ITSN1: variants seen among roughly 807,000 people sequenced by gnomAD.
The protein encoded by ITSN1 is intersectin 1.
ITSN1 carries 58 observed loss-of-function variants against 239.8 expected under a neutral mutation model. That is an observed-to-expected ratio of 0.24 (90% CI 0.20 to 0.30). The LOEUF (loss-of-function observed/expected upper bound fraction) is 0.30. Ranked by LOEUF, ITSN1 falls within the 10% of genes least tolerant of loss-of-function variation. The probability of loss-of-function intolerance (pLI) is 1.00; values close to 1 mark genes in which losing one functional copy is unlikely to be tolerated. For synonymous variants in ITSN1, 780 were observed against 770.8 expected, an observed-to-expected ratio of 1.01 and a Z score of -0.20; for missense variants, 1,558 against 2,103.3, an observed-to-expected ratio of 0.74 and a Z score of 5.07.
intron 1 of ITSN1, among the ~76,000 whole-genome samples, chr21:33,716,862 G>T (rs1166732252): frequency 6.6e-6 from 1 of 151,540 alleles, no homozygotes; most frequent in Non-Finnish European, 1.5e-5. Context: ...TGAGGCAAGA[G>T]AATTGCTTGA....
chr21:33,790,793 C>T (rs1253531700), intron 16 of ITSN1, among the ~76,000 whole-genome samples: 1 of 152,166 alleles, frequency 6.6e-6, no homozygotes, highest in Non-Finnish European at 1.5e-5. Context: ...TTTCCTTAGC[C>T]ATTTCCCCCA....
At chr21:33,876,268 CT>C (rs1983880963) in intron 34 of ITSN1, among the ~76,000 whole-genome samples, 2 of 77,202 alleles carry the variant, frequency 2.6e-5, no homozygotes, top group Non-Finnish European at 6.4e-5. Flanking sequence ...TTCCTCTCTT[CT>C]TTTTCTCTCT....
intron 1 of ITSN1, among the ~76,000 whole-genome samples, chr21:33,671,068 C>T (rs981263447): frequency 1.3e-5 from 2 of 152,108 alleles, no homozygotes; most frequent in East Asian, 1.9e-4. Flanking sequence ...TGGGGTTTTC[C>T]CCTACATTAC....
chr21:33,765,947 T>C lies in ITSN1; in HGVS notation c.861T>C (p.Asp287=). The change falls in exon 10 of 40, where the codon GAT becomes GAC. Residue 287 remains aspartate, a synonymous_variant. Transcript: ENST00000381318. ...TTATCCTGGCAATGCACCTCATTGA[T>C]GTAGCTATGTCTGGCCAACCACTGC... The part of the protein sequence containing the change: ...EEFILAMHLI[D]VAMSGQPLPP... 4 of 1,614,156 alleles carry C rather than the reference T, an allele frequency of 2.5e-6. No homozygotes were observed. In the South Asian group the frequency reaches 4.4e-5, roughly 18 times the overall value.
At chr21:33,841,800 A>C (rs1333037001) in intron 29 of ITSN1, among the ~76,000 whole-genome samples, 1 of 152,230 alleles carries the variant, frequency 6.6e-6, no homozygotes, top group South Asian at 2.1e-4. Context: ...CAATGGTCCC[A>C]AAAATGCAAG....
chr21:33,830,265 G>T (rs1465884400), intron 27 of ITSN1, among the ~76,000 whole-genome samples: 1 of 152,094 alleles, frequency 6.6e-6, no homozygotes, highest in African/African-American at 2.4e-5. Context: ...AGACAAAGAT[G>T]CTTTAAAAAG....
chr21:33,742,202 A>G (rs2066903319), intron 5 of ITSN1, among the ~76,000 whole-genome samples: 1 of 151,680 alleles, frequency 6.6e-6, no homozygotes, highest in African/African-American at 2.4e-5. Context: ...GATTACAGGC[A>G]TGTGCCACCA....
intron 16 of ITSN1, among the ~76,000 whole-genome samples, chr21:33,789,605 A>G (rs1003100089): frequency 1.3e-5 from 2 of 152,136 alleles, no homozygotes; most frequent in South Asian, 2.1e-4. Context: ...CTCTTCATAT[A>G]CATTATGCAA....
intron 25 of ITSN1, among the ~76,000 whole-genome samples, chr21:33,825,524 TA>T (rs956322579): frequency 1.3e-5 from 2 of 152,166 alleles, no homozygotes; most frequent in Non-Finnish European, 2.9e-5. Flanking sequence ...TGGGGGACTT[TA>T]TAGGTGCAGG....
At position 33,722,668 on chromosome 21, in the gene ITSN1, C is replaced by T; in HGVS notation, c.185+17C>T. Reference sequence around the variant, plus strand: ...ACAGATATGGTAAGTTGGAATTTTACATGAAATTTTACATAAGCATAAGGC... The same window carrying T: ...ACAGATATGGTAAGTTGGAATTTTATATGAAATTTTACATAAGCATAAGGC... On this transcript the variant is annotated intron_variant, in intron 4 of 39. Coordinates refer to ENST00000381318, the MANE Select transcript of ITSN1 (RefSeq NM_003024.3). 7 of 1,538,310 alleles carry T rather than the reference C, an allele frequency of 4.6e-6. No homozygotes were observed. Among genetic ancestry groups the T allele is most frequent in the Non-Finnish European group, 6.1e-6 (7 of 1,150,086 alleles).
At position 33,784,446 on chromosome 21, in the gene ITSN1, T is replaced by A. The variant is rs182216168; in HGVS notation, c.1824+2313T>A. ...TGAGTCTGGGAGGTTGGGGCTGCAG[T>A]GAGCCATGATTGTGTCACTGCACTC... On this transcript the variant is annotated intron_variant, in intron 16 of 39. Transcript: ENST00000381318. Among the ~76,000 whole-genome samples the A allele has an allele frequency of 2.8e-3, 429 of 152,204 alleles. 1 individual carries two copies. Among genetic ancestry groups the A allele is most frequent in the Non-Finnish European group, 4.7e-3 (318 of 68,010 alleles).
rs377429196 is a variant in ITSN1 at position 33,795,149 on chromosome 21, G to C, written c.1952+681G>C. Among the ~76,000 whole-genome samples, 15 of 152,234 alleles carry C rather than the reference G, an allele frequency of 9.9e-5. No individual in the cohort carries two copies. The South Asian group carries it at 3.1e-3, about 32-fold the overall frequency. On this transcript the variant is annotated intron_variant, in intron 17 of 39. Coordinates refer to ENST00000381318, the MANE Select transcript of ITSN1 (RefSeq NM_003024.3). ...GACAGCCCCGTAAATTATAAAAGTT[G>C]GTAATTGAAATTAGATTAAGGCCAG...
At chr21:33,846,450 G>A (rs2074993375) in intron 29 of ITSN1, among the ~76,000 whole-genome samples, 1 of 152,172 alleles carries the variant, frequency 6.6e-6, no homozygotes, top group African/African-American at 2.4e-5. Flanking sequence ...CCCAAATCTT[G>A]TGGTTTGTTA....
At chr21:33,763,418 G>A (rs1046641890) in intron 9 of ITSN1, among the ~76,000 whole-genome samples, 4 of 151,904 alleles carry the variant, frequency 2.6e-5, no homozygotes, top group Non-Finnish European at 4.4e-5. Context: ...GACATTTTGG[G>A]CCCGATAAAT....
At chr21:33,801,713 G>A (rs2072019229) in intron 19 of ITSN1, among the ~76,000 whole-genome samples, 1 of 152,166 alleles carries the variant, frequency 6.6e-6, no homozygotes, top group Non-Finnish European at 1.5e-5. Flanking sequence ...CTTAACAGTA[G>A]CAAAAACCTC....
intron 1 of ITSN1, among the ~76,000 whole-genome samples, chr21:33,644,189 C>A (rs929247906): frequency 6.6e-6 from 1 of 152,182 alleles, no homozygotes; most frequent in African/African-American, 2.4e-5. Context: ...TTTAAAATTT[C>A]TTTTACTGGT....
At chr21:33,886,124 A>C (rs561894394) in intron 38 of ITSN1, among the ~76,000 whole-genome samples, 163 bp from the exon 39 acceptor site, 3 of 152,098 alleles carry the variant, frequency 2.0e-5, no homozygotes, top group African/African-American at 7.2e-5. Context: ...AGGCAGGAGA[A>C]TCACTTGAGC....
At chr21:33,830,280 C>T (rs1463322512) in intron 27 of ITSN1, among the ~76,000 whole-genome samples, 2 of 152,042 alleles carry the variant, frequency 1.3e-5, no homozygotes, top group African/African-American at 4.8e-5. Flanking sequence ...AAAAAGATTA[C>T]TGTTACGCAG....
At chr21:33,781,952 A>G (rs1048222489) in intron 15 of ITSN1, 42 bp from the exon 16 acceptor site, 14 of 1,544,150 alleles carry the variant, frequency 9.1e-6, no homozygotes, top group Non-Finnish European at 1.2e-5. Flanking sequence ...CCTCACTGCA[A>G]ATTAAAGTTT....
Sources: allele counts gnomAD v4.1 joint callset (sites outside exome capture counted in the v4.1 genomes callset), GRCh38; gene constraint gnomAD v4.1.1; transcripts MANE v1.5; gene names NCBI Gene and HGNC (gene_info 2026-07-23, HGNC 2026-07-21).